Variants in PIAS1 observed in about 807,000 individuals in gnomAD.
PIAS1 encodes the protein E3 SUMO-protein ligase PIAS1.
In PIAS1, 6 loss-of-function variants were observed where a neutral mutation model predicts 71.3. The observed-to-expected ratio is 0.08, with a 90% CI of 0.05 to 0.17. The LOEUF (loss-of-function observed/expected upper bound fraction) is 0.17. Among genes scored for constraint, PIAS1 ranks in the 10% least tolerant of loss-of-function variants. The pLI, the probability that PIAS1 is intolerant of heterozygous loss-of-function variation, is 1.00. For synonymous variants in PIAS1, 303 were observed against 292.9 expected (o/e 1.03, Z -0.35); for missense variants, 555 against 793.6 (o/e 0.70, Z 3.61).
intron 3 of PIAS1, 99 bp downstream of exon 3, chr15:68,142,129 G>A: frequency 1.1e-6 from 1 of 937,382 alleles, no homozygotes. Flanking sequence ...TAGTATTTGT[G>A]TGATGCAAAT....
At chr15:68,144,659 C>G (rs2092795698) in intron 4 of PIAS1, among the ~76,000 whole-genome samples, 1 of 152,042 alleles carries the variant, frequency 6.6e-6, no homozygotes, top group Non-Finnish European at 1.5e-5. Context: ...GAAGGTTCTG[C>G]TGGGGTTAGG....
At position 68,054,440 on chromosome 15, in the gene PIAS1, T is replaced by C. The variant is rs537399079; in HGVS notation, c.24+90T>C. The C allele has an allele frequency of 2.9e-4, 406 of 1,385,614 alleles. 4 individuals carry two copies. In the East Asian group the frequency reaches 9.4e-3, roughly 32 times the overall value. 85.8% of individuals were successfully genotyped at this position (1,385,614 alleles called of 1,614,324 possible). The stretch of plus-strand genomic sequence containing the variant: ...GGGATGGGTCCGACCCTGGGGGGCC[T>C]CTCGGGCCTGACTCCACCCGGGCCT... On this transcript the variant is annotated intron_variant, in intron 1 of 13. Transcript: ENST00000249636. The surrounding 1 kb of genome is among the most constrained non-coding windows in gnomAD (Gnocchi z 4.6).
chr15:68,183,753 G>A (rs891932389), intron 13 of PIAS1, 86 bp downstream of exon 13: 1 of 602,198 alleles, frequency 1.7e-6, no homozygotes, highest in African/African-American at 1.9e-5. Context: ...GTCAATGACA[G>A]GCCATATATG....
chr15:68,081,689 T>C (rs6494711), intron 1 of PIAS1, among the ~76,000 whole-genome samples: 58,519 of 151,654 alleles, frequency 0.39, 13,412 homozygotes, highest in East Asian at 0.8. Context: ...AAGATAGAGC[T>C]AAAAGACAAG....
intron 2 of PIAS1, among the ~76,000 whole-genome samples, chr15:68,125,990 C>T (rs181064499): frequency 1.2e-4 from 18 of 152,070 alleles, no homozygotes; most frequent in African/African-American, 2.6e-4. Context: ...TGAGCCACTG[C>T]GCCCCAGACC....
At chr15:68,059,654 C>G (rs919787898) in intron 1 of PIAS1, among the ~76,000 whole-genome samples, 11 of 139,512 alleles carry the variant, frequency 7.9e-5, no homozygotes, top group African/African-American at 3.0e-4. Flanking sequence ...GAGGTTGCAG[C>G]GAGATTGCGC....
At chr15:68,136,753 T>A (rs1212889546) in intron 2 of PIAS1, among the ~76,000 whole-genome samples, 2 of 152,200 alleles carry the variant, frequency 1.3e-5, no homozygotes, top group African/African-American at 4.8e-5. Flanking sequence ...GTTGACAGAT[T>A]GGACCACATA....
At chr15:68,057,881 C>CTTTTCATCCACCG (rs754970601) in intron 1 of PIAS1, among the ~76,000 whole-genome samples, 3 of 152,072 alleles carry the variant, frequency 2.0e-5, no homozygotes, top group Admixed American at 6.5e-5. Flanking sequence ...ATACCTCCTT[C>CTTTTCATCCACCG]TTTTCATCCA....
chr15:68,187,522 C>G lies in PIAS1; in HGVS notation c.1663-20C>G. 6.2e-7 allele frequency: 1 copy of G among 1,605,366 alleles called. No individual in the cohort carries two copies. Among genetic ancestry groups the G allele is most frequent in the East Asian group, 2.2e-5 (1 of 44,704 alleles). ...GGAAGTATAATTAACATTTTTGTGT[C>G]TTTTGTTTCCCCTCCCTAGCATTAC... is the stretch of plus-strand genomic sequence containing the variant. On this transcript the variant is annotated intron_variant, in intron 13 of 13. Coordinates refer to ENST00000249636, the MANE Select transcript of PIAS1 (RefSeq NM_016166.3). This position sits in a 1 kb window ranked among gnomAD's most constrained non-coding sequence, Gnocchi z 5.3.
At chr15:68,076,715 C>G (rs911078096) in intron 1 of PIAS1, among the ~76,000 whole-genome samples, 9 of 152,062 alleles carry the variant, frequency 5.9e-5, no homozygotes, top group African/African-American at 1.9e-4. Context: ...GGGCACAATT[C>G]TCAGATTTTA....
At chr15:68,146,168 C>T (rs1459761744) in intron 5 of PIAS1, among the ~76,000 whole-genome samples, 1 of 152,006 alleles carries the variant, frequency 6.6e-6, no homozygotes, top group Non-Finnish European at 1.5e-5. Context: ...AACAAAATCT[C>T]AGCTGTGTTC....
chr15:68,102,728 G>A (rs1448640333), intron 2 of PIAS1, among the ~76,000 whole-genome samples: 2 of 152,024 alleles, frequency 1.3e-5, no homozygotes, highest in Non-Finnish European at 2.9e-5. Context: ...ACCTTGCTGA[G>A]TTCACTTATA....
At position 68,185,721 on chromosome 15, in the gene PIAS1, T is replaced by C. The variant is rs2093083028; in HGVS notation, c.1663-1821T>C. Among the ~76,000 whole-genome samples the C allele has an allele frequency of 6.6e-6, 1 of 152,022 alleles. No individual in the cohort carries two copies. The highest frequency in any genetic ancestry group is 2.4e-5 in the African/African-American group (1 of 41,386). ...GCTTACACCTATAATCCCAGCACTTTGGGAGGCCAAAGCGGGTAGATCATG... is the reference window on the plus strand; with the variant it reads ...GCTTACACCTATAATCCCAGCACTTCGGGAGGCCAAAGCGGGTAGATCATG... On this transcript the variant is annotated intron_variant, in intron 13 of 13. Transcript: ENST00000249636. This position sits in a 1 kb window ranked among gnomAD's most constrained non-coding sequence, Gnocchi z 4.4.
At chr15:68,149,800 A>G (rs1222488837) in intron 6 of PIAS1, among the ~76,000 whole-genome samples, 3 of 152,170 alleles carry the variant, frequency 2.0e-5, no homozygotes, top group South Asian at 2.1e-4. Context: ...TGTCATATAA[A>G]TTATATTACC....
At chr15:68,148,666 A>G (rs1042724991) in intron 6 of PIAS1, among the ~76,000 whole-genome samples, 3 of 152,130 alleles carry the variant, frequency 2.0e-5, no homozygotes, top group Non-Finnish European at 4.4e-5. Flanking sequence ...TGACCTTGTG[A>G]TCCACCTGCC....
At chr15:68,134,502 C>G (rs1471996639) in intron 2 of PIAS1, among the ~76,000 whole-genome samples, 1 of 50,002 alleles carries the variant, frequency 2.0e-5, no homozygotes, top group Admixed American at 1.6e-4. Flanking sequence ...TGACCCCCCC[C>G]ACTGCCCTCC....
chr15:68,164,598 T>C (rs2092945076), intron 7 of PIAS1, 133 bp from the exon 8 acceptor site: 2 of 492,202 alleles, frequency 4.1e-6, no homozygotes, highest in South Asian at 8.7e-5. Flanking sequence ...GTTGTTTTTA[T>C]CTTTCCATTC....
intron 2 of PIAS1, among the ~76,000 whole-genome samples, chr15:68,116,931 T>C (rs578167488): frequency 6.6e-6 from 1 of 152,274 alleles, no homozygotes; most frequent in African/African-American, 2.4e-5. Context: ...TACATATTTA[T>C]GGCGTACAAT....
chr15:68,096,868 T>G (rs184452434), intron 2 of PIAS1, among the ~76,000 whole-genome samples: 5 of 152,344 alleles, frequency 3.3e-5, no homozygotes, highest in African/African-American at 1.2e-4. Flanking sequence ...GAACAGAGAT[T>G]AATTTTACTT....
Sources: gnomAD v4.1 joint callset for allele counts (sites outside exome capture counted in the v4.1 genomes callset) on GRCh38, gnomAD v4.1.1 for gene constraint, Gnocchi (gnomAD v3.1) non-coding constraint, MANE v1.5 for transcripts, NCBI Gene and HGNC (gene_info 2026-07-23, HGNC 2026-07-21) for gene names.